Variants in TBC1D13 observed in about 807,000 individuals in gnomAD.
The protein encoded by TBC1D13 is TBC1 domain family member 13.
A neutral mutation model predicts 53.6 loss-of-function variants in TBC1D13; 40 were observed. The observed-to-expected ratio is 0.75, with a 90% confidence interval of 0.58 to 0.97. TBC1D13 has a LOEUF of 0.97. Ranked by LOEUF, TBC1D13 falls within the 50% of genes least tolerant of loss-of-function variation. The pLI is 0.00. For missense variants in TBC1D13, 377 were observed against 499.4 expected (o/e 0.75, Z 2.34); for synonymous variants, 182 against 197.7 (o/e 0.92, Z 0.67).
intron 6 of TBC1D13, among the ~76,000 whole-genome samples, chr9:128,795,805 C>A (rs1829620266): frequency 6.6e-6 from 1 of 151,804 alleles, no homozygotes. Context: ...GTTGCCCAGG[C>A]TGGTCTTGAA....
intron 7 of TBC1D13, among the ~76,000 whole-genome samples, chr9:128,798,747 G>C (rs943038522): frequency 6.6e-6 from 1 of 152,180 alleles, no homozygotes; most frequent in African/African-American, 2.4e-5. Flanking sequence ...ATAGTGGCTT[G>C]TTCCCCTAAA....
At chr9:128,789,386 G>A (rs1302353182) in intron 2 of TBC1D13, among the ~76,000 whole-genome samples, 2 of 151,786 alleles carry the variant, frequency 1.3e-5, no homozygotes, top group South Asian at 2.1e-4. Context: ...TGAAGTGGAG[G>A]TATTCACTCA....
chr9:128,787,393 C>A lies in TBC1D13; in HGVS notation c.23+17C>A, dbSNP rs780757438. 1 of 1,257,882 alleles carries A rather than the reference C, an allele frequency of 7.9e-7. No individual in the cohort carries two copies. Among genetic ancestry groups the A allele is most frequent in the Non-Finnish European group, 1.0e-6 (1 of 993,380 alleles). 77.9% of individuals were successfully genotyped at this position (1,257,882 alleles called of 1,614,324 possible). On this transcript the variant is annotated intron_variant, in intron 1 of 11. Coordinates refer to ENST00000372648, the MANE Select transcript of TBC1D13 (RefSeq NM_018201.5). ...CAAGAGCCGGTAAGGGGCCATGGGG[C>A]CTGACCCGGCTGGGCCACTCCTGGC...
chr9:128,788,964 T>TA (rs1202449135), intron 2 of TBC1D13, among the ~76,000 whole-genome samples: 1 of 152,182 alleles, frequency 6.6e-6, no homozygotes, highest in East Asian at 1.9e-4. Flanking sequence ...TTGCCTGTTT[T>TA]AAAAAATATC....
At chr9:128,803,221 C>A in intron 7 of TBC1D13, 29 bp from the exon 8 acceptor site, 3 of 1,603,100 alleles carry the variant, frequency 1.9e-6, no homozygotes, top group South Asian at 1.1e-5. Context: ...CATTGTCTTT[C>A]TTGATGGGCT....
In TBC1D13 at chr9:128,805,944, T is replaced by C; in HGVS notation, c.1004T>C (p.Ile335Thr). 6.2e-7 allele frequency: 1 copy of C among 1,614,164 alleles called. No homozygotes were observed. Among genetic ancestry groups the C allele is most frequent in the African/African-American group, 1.3e-5 (1 of 75,040 alleles). The change falls in exon 10 of 12, where the codon ATC becomes ACC. Residue 335 changes from isoleucine to threonine, a missense_variant. By Grantham distance (89) the Ile-to-Thr change is moderately conservative. Transcript: ENST00000372648. ...LSQEFLLPDV[I>T]RIWDSLFADD... ...CAGGAGTTCTTGCTGCCTGACGTCA[T>C]CCGCATCTGGGACTCCCTCTTCGCC...
At chr9:128,804,720 G>GTTTTTTTTTT (rs1170366996) in intron 9 of TBC1D13, among the ~76,000 whole-genome samples, 3 of 56,390 alleles carry the variant, frequency 5.3e-5, no homozygotes, top group African/African-American at 8.2e-5. Flanking sequence ...TTTTTTTTCT[G>GTTTTTTTTTT]TTTTTTTTTT....
chr9:128,807,828 A>C lies in TBC1D13; in HGVS notation c.1152A>C (p.Thr384=), dbSNP rs138515564. ...NMRLLQDYPI[T]DVCQILQKAK... ...CCTGTGCCCAGGACTACCCCATCAC[A>C]GATGTCTGCCAGATCCTGCAGAAAG... is the stretch of plus-strand genomic sequence containing the variant. Residue 384 remains threonine (T), a synonymous_variant, in exon 12 of 12, where the codon ACA becomes ACC. Transcript: ENST00000372648. The C allele has an allele frequency of 1.5e-3, 2,432 of 1,614,192 alleles. 4 individuals carry two copies. Among genetic ancestry groups the C allele is most frequent in the Non-Finnish European group, 1.3e-3 (1,542 of 1,180,030 alleles).
At chr9:128,807,306 C>T (rs961056963) in intron 11 of TBC1D13, among the ~76,000 whole-genome samples, 7 of 152,070 alleles carry the variant, frequency 4.6e-5, no homozygotes, top group African/African-American at 7.2e-5. Context: ...AGGCTGGTCT[C>T]GAACTCCTGA....
At chr9:128,787,482 C>A in intron 1 of TBC1D13, 106 bp downstream of exon 1, 2 of 1,153,120 alleles carry the variant, frequency 1.7e-6, no homozygotes, top group South Asian at 4.4e-5. Flanking sequence ...CGGCAGACCC[C>A]CTCGGCAGAG....
intron 6 of TBC1D13, among the ~76,000 whole-genome samples, chr9:128,796,154 C>G (rs546038460): frequency 4.3e-4 from 66 of 152,300 alleles, no homozygotes; most frequent in Non-Finnish European, 9.1e-4. Context: ...GTGGCGCGAT[C>G]TTGGCTCACT....
chr9:128,788,473 G>A lies in TBC1D13; in HGVS notation c.97+66G>A, dbSNP rs1829471002. 5 of 1,444,530 alleles carry A rather than the reference G, an allele frequency of 3.5e-6. No homozygotes were observed. In the East Asian group the frequency reaches 1.1e-4, roughly 33 times the overall value. 89.5% of individuals were successfully genotyped at this position (1,444,530 alleles called of 1,614,324 possible). On this transcript the variant is annotated intron_variant, in intron 2 of 11. Transcript: ENST00000372648. Reference sequence around the variant, plus strand: ...GCCCTGTGGCTAGAATACAGGGGGAGGCCACACCTGGTCAGCTCTGGGGCC... The same window carrying A: ...GCCCTGTGGCTAGAATACAGGGGGAAGCCACACCTGGTCAGCTCTGGGGCC...
rs376279753 is a variant in TBC1D13, at chr9:128,798,923, A to G, written c.543+1709A>G. ...GAGACAGAGTCTTGCGATGACACCC[A>G]GACTGGTTTTGAACTCCTGAGCTTA... On this transcript the variant is annotated intron_variant, in intron 7 of 11. Coordinates refer to ENST00000372648, the MANE Select transcript of TBC1D13 (RefSeq NM_018201.5). Among the ~76,000 whole-genome samples the G allele has an allele frequency of 2.6e-5, 4 of 152,266 alleles. No homozygotes were observed. In the East Asian group the frequency reaches 7.7e-4, roughly 29 times the overall value.
chr9:128,803,526 C>A, intron 8 of TBC1D13, 66 bp downstream of exon 8: 1 of 1,467,322 alleles, frequency 6.8e-7, no homozygotes, highest in Non-Finnish European at 9.5e-7. Flanking sequence ...ACCTCACTTT[C>A]CCTCTCGGGC....
Position 128,791,595 on chromosome 9 carries a change from G to A in TBC1D13, c.202G>A (p.Glu68Lys). The A allele has an allele frequency of 6.2e-7, 1 of 1,614,184 alleles. No individual in the cohort carries two copies. The highest frequency in any genetic ancestry group is 8.5e-7 in the Non-Finnish European group (1 of 1,180,014). ...ATCCTTCTCACTTGTCTCCTGCAGG[G>A]AGCTGTATGCCCAGTTCCTGAGGGA... ...SWTSILAKQR[E>K]LYAQFLREMI... Residue 68 changes from glutamate (E) to lysine (K), a missense_variant and splice_region_variant, in exon 5 of 12, where the codon GAG becomes AAG. Coordinates refer to ENST00000372648, the MANE Select transcript of TBC1D13 (RefSeq NM_018201.5).
intron 10 of TBC1D13, 68 bp downstream of exon 10, chr9:128,806,087 C>G: frequency 6.3e-7 from 1 of 1,588,268 alleles, no homozygotes; most frequent in Non-Finnish European, 8.6e-7. Flanking sequence ...CAGGAGGACC[C>G]TCCGCCCCGA....
intron 6 of TBC1D13, among the ~76,000 whole-genome samples, chr9:128,793,214 G>C (rs1203519344): frequency 6.6e-6 from 1 of 152,382 alleles, no homozygotes; most frequent in Middle Eastern, 3.4e-3. Flanking sequence ...ATAGGGGCTG[G>C]ACCTTGGACT....
chr9:128,805,122 G>A (rs1333286808), intron 9 of TBC1D13, among the ~76,000 whole-genome samples: 5 of 152,130 alleles, frequency 3.3e-5, no homozygotes, highest in Admixed American at 3.3e-4. Flanking sequence ...GAGGCGGGAG[G>A]ATCGCTTGAG....
At chr9:128,805,773 A>G (rs967162765) in intron 9 of TBC1D13, 86 bp from the exon 10 acceptor site, 11 of 1,442,722 alleles carry the variant, frequency 7.6e-6, no homozygotes, top group Middle Eastern at 2.2e-4. Context: ...TGCTGTTCTG[A>G]ATTCACTTCT....
Sources: allele counts gnomAD v4.1 joint callset (sites outside exome capture counted in the v4.1 genomes callset), GRCh38; gene constraint gnomAD v4.1.1; transcripts MANE v1.5; gene names NCBI Gene and HGNC (gene_info 2026-07-23, HGNC 2026-07-21).